The following EEFSEC variants were observed in gnomAD, a reference collection of about 807,000 sequenced individuals.
EEFSEC encodes the protein selenocysteine-specific elongation factor.
Under a neutral mutation model 42.1 loss-of-function variants are expected in EEFSEC, and 43 were observed. The ratio of observed to expected loss-of-function variants is 1.02; its 90% confidence interval spans 0.80 to 1.32. The LOEUF (loss-of-function observed/expected upper bound fraction) is 1.32, where lower values mean the gene tolerates loss of function less well. Ranked by LOEUF, EEFSEC falls within the 40% of genes most tolerant of loss-of-function variation. The probability of loss-of-function intolerance (pLI) is 0.00; values close to 1 mark genes in which losing one functional copy is unlikely to be tolerated. For synonymous variants in EEFSEC, 354 were observed against 339.1 expected, an observed-to-expected ratio of 1.04 and a Z score of -0.48; for missense variants, 745 against 803.6, an observed-to-expected ratio of 0.93 and a Z score of 0.88.
At chr3:128,346,900 C>T (rs548101353) in intron 5 of EEFSEC, among the ~76,000 whole-genome samples, 13 of 152,188 alleles carry the variant, frequency 8.5e-5, no homozygotes, top group Non-Finnish European at 1.6e-4. Context: ...TATTCTCCAA[C>T]TCATTAGAAA....
At chr3:128,347,361 T>G (rs1461640262) in intron 5 of EEFSEC, among the ~76,000 whole-genome samples, 1 of 152,174 alleles carries the variant, frequency 6.6e-6, no homozygotes, top group African/African-American at 2.4e-5. Flanking sequence ...TCTAAATGGC[T>G]AATCTTTCTG....
intron 6 of EEFSEC, among the ~76,000 whole-genome samples, chr3:128,372,667 T>C (rs995153746): frequency 2.6e-5 from 4 of 152,228 alleles, no homozygotes; most frequent in Non-Finnish European, 5.9e-5. Flanking sequence ...ACATGCTTTG[T>C]TGAAATCCAC....
intron 6 of EEFSEC, among the ~76,000 whole-genome samples, chr3:128,389,768 C>T (rs561894280): frequency 1.8e-4 from 27 of 152,360 alleles, no homozygotes; most frequent in African/African-American, 6.5e-4. Flanking sequence ...GCCTCATCTG[C>T]CAGCAGAGTG....
At position 128,351,006 on chromosome 3, in the gene EEFSEC, A is replaced by G. The variant is rs542132301; in HGVS notation, c.1444-7211A>G. Among the ~76,000 whole-genome samples the G allele has an allele frequency of 4.6e-5, 7 of 152,250 alleles. No homozygotes were observed. The East Asian group carries it at 1.4e-3, about 29-fold the overall frequency. On this transcript the variant is annotated intron_variant, in intron 5 of 6. Coordinates refer to ENST00000254730, the MANE Select transcript of EEFSEC (RefSeq NM_021937.5). ...AGTGGCCTAGAAGAGTTAACACCGC[A>G]TTTTTAAGGGACTCATCCATGATCA...
intron 5 of EEFSEC, among the ~76,000 whole-genome samples, chr3:128,355,644 T>C (rs940834315): frequency 3.4e-5 from 5 of 145,438 alleles, no homozygotes; most frequent in African/African-American, 1.3e-4. Context: ...CAGGCATGAG[T>C]GAGCCTTGCA....
intron 1 of EEFSEC, among the ~76,000 whole-genome samples, chr3:128,227,302 C>A (rs772197107): frequency 1.2e-4 from 18 of 152,038 alleles, no homozygotes; most frequent in Admixed American, 5.9e-4. Flanking sequence ...GTGACAGATT[C>A]CTCCCCCTAC....
intron 4 of EEFSEC, among the ~76,000 whole-genome samples, chr3:128,304,930 CT>C (rs2066810417): frequency 2.0e-5 from 3 of 152,124 alleles, no homozygotes; most frequent in African/African-American, 4.8e-5. Flanking sequence ...TCTCGAACTC[CT>C]GAGCTCAAGT....
intron 2 of EEFSEC, among the ~76,000 whole-genome samples, chr3:128,248,354 G>GT (rs1404316793): frequency 2.0e-5 from 3 of 152,114 alleles, no homozygotes; most frequent in Non-Finnish European, 2.9e-5. Context: ...CATTTATGAT[G>GT]TTTTTTTCAG....
rs987585499 is a variant in EEFSEC, at chr3:128,253,103, A to T, written c.524+6060A>T. ...AAGGCTAGCTTCTCTTGAGTCTGGGAAAGGGCCAGACACCTGGCCCAACAC... is the reference window on the plus strand; with the variant it reads ...AAGGCTAGCTTCTCTTGAGTCTGGGTAAGGGCCAGACACCTGGCCCAACAC... On this transcript the variant is annotated intron_variant, in intron 2 of 6. Transcript: ENST00000254730. 6.6e-5 allele frequency among the ~76,000 whole-genome samples: 10 copies of T among 152,340 alleles called. No individual in the cohort carries two copies. In the South Asian group the frequency reaches 1.0e-3, roughly 16 times the overall value.
chr3:128,310,957 C>G (rs2066883863), intron 4 of EEFSEC, among the ~76,000 whole-genome samples: 1 of 152,196 alleles, frequency 6.6e-6, no homozygotes, highest in South Asian at 2.1e-4. Flanking sequence ...ATGCAACATT[C>G]TGTGTGGGGA....
At chr3:128,298,301 C>G (rs2066731057) in intron 4 of EEFSEC, among the ~76,000 whole-genome samples, 1 of 152,180 alleles carries the variant, frequency 6.6e-6, no homozygotes, top group Non-Finnish European at 1.5e-5. Context: ...GCATGCACCA[C>G]CATGCCCAGC....
intron 4 of EEFSEC, among the ~76,000 whole-genome samples, chr3:128,310,047 T>G (rs2066873732): frequency 6.6e-6 from 1 of 152,230 alleles, no homozygotes. Flanking sequence ...TTGTGCAGCT[T>G]AATGAAGTCA....
At chr3:128,294,938 T>C (rs1237649841) in intron 4 of EEFSEC, among the ~76,000 whole-genome samples, 2 of 152,214 alleles carry the variant, frequency 1.3e-5, no homozygotes, top group Non-Finnish European at 2.9e-5. Context: ...TGCATGTACC[T>C]CCAGGCCTCT....
intron 4 of EEFSEC, among the ~76,000 whole-genome samples, chr3:128,288,221 C>T (rs1559904047): frequency 1.3e-5 from 2 of 151,990 alleles, no homozygotes; most frequent in Non-Finnish European, 2.9e-5. Flanking sequence ...CACAGGATCC[C>T]TAGGAGATGG....
intron 1 of EEFSEC, among the ~76,000 whole-genome samples, chr3:128,210,964 A>G (rs961873857): frequency 2.0e-5 from 3 of 152,180 alleles, no homozygotes; most frequent in Non-Finnish European, 4.4e-5. Flanking sequence ...CCAACTGCCA[A>G]ATGGCCTTGA....
chr3:128,154,946 A>G (rs1944348325), intron 1 of EEFSEC, among the ~76,000 whole-genome samples: 1 of 152,164 alleles, frequency 6.6e-6, no homozygotes, highest in African/African-American at 2.4e-5. Context: ...AAAATGCCCC[A>G]CAAAGAGGTA....
At chr3:128,321,184 G>C (rs1026656516) in intron 4 of EEFSEC, among the ~76,000 whole-genome samples, 1 of 152,296 alleles carries the variant, frequency 6.6e-6, no homozygotes, top group African/African-American at 2.4e-5. Context: ...AGACAGGTGG[G>C]AAGCTCTGGG....
intron 1 of EEFSEC, among the ~76,000 whole-genome samples, chr3:128,154,284 A>C (rs1007035808): frequency 6.6e-6 from 1 of 152,032 alleles, no homozygotes; most frequent in African/African-American, 2.4e-5. Flanking sequence ...CAATACAAGC[A>C]TATCTGTGTG....
chr3:128,256,131 A>G (rs1283912547), intron 2 of EEFSEC, among the ~76,000 whole-genome samples: 1 of 152,202 alleles, frequency 6.6e-6, no homozygotes, highest in Non-Finnish European at 1.5e-5. Context: ...TTCTTCAGTT[A>G]TCTTTAAATC....
Sources: allele counts gnomAD v4.1 joint callset (sites outside exome capture counted in the v4.1 genomes callset), GRCh38; gene constraint gnomAD v4.1.1; transcripts MANE v1.5; gene names NCBI Gene and HGNC (gene_info 2026-07-23, HGNC 2026-07-21).